Variants in PEX5L observed in about 807,000 individuals in gnomAD.
PEX5L encodes the protein peroxisomal biogenesis factor 5 like, also known as PEX5-related protein.
PEX5L carries 30 observed loss-of-function variants against 84.0 expected under a neutral mutation model. That is an observed-to-expected ratio of 0.36 (90% CI 0.27 to 0.48). The LOEUF is 0.48. PEX5L is among the 20% of genes least tolerant of loss of function. The pLI, the probability that PEX5L is intolerant of heterozygous loss-of-function variation, is 0.99. For synonymous variants in PEX5L, 270 were observed against 283.1 expected, an observed-to-expected ratio of 0.95 and a Z score of 0.46; for missense variants, 533 against 754.6, an observed-to-expected ratio of 0.71 and a Z score of 3.44.
At chr3:179,922,501 T>G (rs1769859371) in intron 2 of PEX5L, among the ~76,000 whole-genome samples, 5 of 149,764 alleles carry the variant, frequency 3.3e-5, no homozygotes. Flanking sequence ...CAGGCTGGAG[T>G]GCAGTGGCGC....
chr3:179,939,934 G>T (rs1232679669), intron 2 of PEX5L, among the ~76,000 whole-genome samples: 3 of 152,068 alleles, frequency 2.0e-5, no homozygotes, highest in African/African-American at 7.2e-5. Flanking sequence ...AATGAGGGTG[G>T]ATAAAAATAA....
At chr3:179,992,100 C>G (rs1787432605) in intron 1 of PEX5L, among the ~76,000 whole-genome samples, 1 of 152,068 alleles carries the variant, frequency 6.6e-6, no homozygotes, top group Non-Finnish European at 1.5e-5. Context: ...CCCCAGAGAA[C>G]AAATAGTCTA....
chr3:179,821,606 G>C (rs1474142325), intron 8 of PEX5L, among the ~76,000 whole-genome samples: 1 of 152,208 alleles, frequency 6.6e-6, no homozygotes, highest in African/African-American at 2.4e-5. Flanking sequence ...ACAGAAACGG[G>C]TTCTGCCCCT....
rs770751399 is a variant in PEX5L, at chr3:179,875,499, G to A, written c.506-22C>T. The A allele has an allele frequency of 1.2e-5, 19 of 1,611,002 alleles. No homozygotes were observed. In the South Asian group the frequency reaches 1.9e-4, roughly 16 times the overall value. ...ATGTCTAGTAAGTACAGAGGAAGCAGGTGAGGCAGGTGGCGGCAGGGCGGG... is the reference window on the plus strand; with the variant it reads ...ATGTCTAGTAAGTACAGAGGAAGCAAGTGAGGCAGGTGGCGGCAGGGCGGG... On this transcript the variant is annotated intron_variant, in intron 5 of 14. Transcript: ENST00000467460.
intron 2 of PEX5L, among the ~76,000 whole-genome samples, chr3:179,960,676 T>A (rs1340683612): frequency 6.6e-6 from 1 of 152,250 alleles, no homozygotes; most frequent in East Asian, 1.9e-4. Flanking sequence ...ATGCAAAGTT[T>A]ACAAGGTTTT....
At chr3:179,895,610 C>T (rs1759009772) in intron 3 of PEX5L, 1 of 152,134 alleles carries the variant, frequency 6.6e-6, no homozygotes, top group Non-Finnish European at 1.5e-5. Context: ...CTGGCCAACA[C>T]TTCAGCATTA....
chr3:179,823,051 A>G (rs1729068007), intron 8 of PEX5L, among the ~76,000 whole-genome samples: 1 of 152,222 alleles, frequency 6.6e-6, no homozygotes, highest in Non-Finnish European at 1.5e-5. Flanking sequence ...CGTGGCATAA[A>G]GTTCATGGTA....
chr3:179,832,857 C>G lies in PEX5L; in HGVS notation c.823-12881G>C, dbSNP rs1733672414. On this transcript the variant is annotated intron_variant, in intron 8 of 14. Transcript: ENST00000467460. ...CCTACCCACCTACCTACCTACCCAC[C>G]AACCTACCTAGTTACTTACCTACTT... 4.6e-5 allele frequency among the ~76,000 whole-genome samples: 7 copies of G among 152,240 alleles called. No homozygotes were observed. In the South Asian group the frequency reaches 1.4e-3, roughly 32 times the overall value.
At chr3:179,938,084 A>G (rs1046688791) in intron 2 of PEX5L, among the ~76,000 whole-genome samples, 8 of 152,118 alleles carry the variant, frequency 5.3e-5, no homozygotes, top group Admixed American at 3.9e-4. Flanking sequence ...TGGAACCAGA[A>G]GGCATACTAA....
rs765421857 is a variant in PEX5L at position 179,875,433 on chromosome 3, C to T, written c.550G>A (p.Gly184Arg). ...LEKWDDVKFHGDRNTKGHPMA... is the reference protein window; with the variant it reads ...LEKWDDVKFHRDRNTKGHPMA... ...GGATGTCCCTTGGTATTTCGATCTCCATGAAACTTAACATCGTCCCATTTT... is the reference window on the plus strand; with the variant it reads ...GGATGTCCCTTGGTATTTCGATCTCTATGAAACTTAACATCGTCCCATTTT... The change falls in exon 6 of 15, where the codon GGA becomes AGA. Residue 184 changes from glycine to arginine, a missense_variant. Transcript: ENST00000467460. The T allele has an allele frequency of 1.2e-6, 2 of 1,602,984 alleles. No individual in the cohort carries two copies. Among genetic ancestry groups the T allele is most frequent in the Non-Finnish European group, 1.7e-6 (2 of 1,173,290 alleles).
At chr3:179,957,514 G>A (rs1193342722) in intron 2 of PEX5L, among the ~76,000 whole-genome samples, 1 of 152,170 alleles carries the variant, frequency 6.6e-6, no homozygotes. Context: ...CTGGACATGT[G>A]CCAACAACTT....
intron 7 of PEX5L, among the ~76,000 whole-genome samples, chr3:179,870,577 C>T (rs1749955937): frequency 6.6e-6 from 1 of 152,136 alleles, no homozygotes; most frequent in South Asian, 2.1e-4. Flanking sequence ...TTACAGTTAC[C>T]AGGCTATTGT....
intron 2 of PEX5L, among the ~76,000 whole-genome samples, chr3:179,940,913 AAG>A (rs1160749959): frequency 2.0e-5 from 3 of 152,186 alleles, no homozygotes; most frequent in Non-Finnish European, 4.4e-5. Flanking sequence ...ACAGGAGGGG[AAG>A]AGTCTTGAGC....
At chr3:180,016,201 G>A (rs1312049427) in intron 1 of PEX5L, among the ~76,000 whole-genome samples, 1 of 152,074 alleles carries the variant, frequency 6.6e-6, no homozygotes, top group Non-Finnish European at 1.5e-5. Flanking sequence ...CCAGAAAAAT[G>A]TGGCTAGGTC....
chr3:179,809,096 A>AAAG (rs1722705246), intron 12 of PEX5L, among the ~76,000 whole-genome samples: 1 of 150,918 alleles, frequency 6.6e-6, no homozygotes, highest in African/African-American at 2.4e-5. Flanking sequence ...AAAAAAAAAA[A>AAAG]AAAAGAAAAC....
At chr3:179,844,172 C>A (rs761139963) in intron 8 of PEX5L, among the ~76,000 whole-genome samples, 1 of 152,152 alleles carries the variant, frequency 6.6e-6, no homozygotes, top group Non-Finnish European at 1.5e-5. Flanking sequence ...TGCGTGTGTG[C>A]ATGTGTGTGT....
At chr3:180,022,165 G>A (rs951558835) in intron 1 of PEX5L, among the ~76,000 whole-genome samples, 2 of 152,116 alleles carry the variant, frequency 1.3e-5, no homozygotes, top group Non-Finnish European at 2.9e-5. Flanking sequence ...TTTGATCAAT[G>A]CTATCACATT....
At chr3:179,898,998 A>T (rs1397041917) in intron 2 of PEX5L, among the ~76,000 whole-genome samples, 1 of 152,076 alleles carries the variant, frequency 6.6e-6, no homozygotes, top group African/African-American at 2.4e-5. Flanking sequence ...GCACTAATCT[A>T]TATCTCTCTA....
At chr3:179,992,323 A>G (rs947773826) in intron 1 of PEX5L, among the ~76,000 whole-genome samples, 8 of 152,218 alleles carry the variant, frequency 5.3e-5, no homozygotes, top group African/African-American at 1.7e-4. Context: ...TACAGATAAG[A>G]GAAAAAAGGA....
Sources: gnomAD v4.1 joint callset for allele counts (sites outside exome capture counted in the v4.1 genomes callset) on GRCh38, gnomAD v4.1.1 for gene constraint, MANE v1.5 for transcripts, NCBI Gene and HGNC (gene_info 2026-07-23, HGNC 2026-07-21) for gene names.